The following GRIK2 variants were observed in gnomAD, a reference collection of about 807,000 sequenced individuals.
GRIK2 encodes the protein glutamate receptor ionotropic, kainate 2.
Under a neutral mutation model 100.3 loss-of-function variants are expected in GRIK2, and 32 were observed. That is an observed-to-expected ratio of 0.32 (90% CI 0.24 to 0.43). The LOEUF (loss-of-function observed/expected upper bound fraction) is 0.43, where lower values mean the gene tolerates loss of function less well. GRIK2 is among the 20% of genes least tolerant of loss of function. The pLI is 1.00. For synonymous variants in GRIK2, 417 were observed against 389.4 expected, an observed-to-expected ratio of 1.07 and a Z score of -0.83; for missense variants, 843 against 1,114.9, an observed-to-expected ratio of 0.76 and a Z score of 3.47.
intron 7 of GRIK2, among the ~76,000 whole-genome samples, chr6:101,753,099 G>A (rs1776891544): frequency 6.6e-6 from 1 of 151,928 alleles, no homozygotes; most frequent in African/African-American, 2.4e-5. Context: ...TCGAGACCAC[G>A]GTGAAACCCA....
chr6:101,657,822 A>T (rs1364064374), intron 4 of GRIK2, among the ~76,000 whole-genome samples: 1 of 152,102 alleles, frequency 6.6e-6, no homozygotes. Context: ...TTCTATTTCC[A>T]GGGAAATAAA....
At chr6:101,424,249 A>G (rs147876377) in intron 2 of GRIK2, among the ~76,000 whole-genome samples, 2,148 of 151,966 alleles carry the variant, frequency 0.014, 72 homozygotes, top group East Asian at 0.078. Context: ...TACATGTGCC[A>G]TGTTGGTGTG....
intron 14 of GRIK2, among the ~76,000 whole-genome samples, chr6:102,033,632 T>A (rs1387724969): frequency 6.6e-6 from 1 of 151,346 alleles, no homozygotes; most frequent in African/African-American, 2.4e-5. Context: ...CAGCAGATAA[T>A]CATATTTCTT....
At chr6:101,560,701 C>G (rs878917931) in intron 2 of GRIK2, among the ~76,000 whole-genome samples, 2 of 137,184 alleles carry the variant, frequency 1.5e-5, no homozygotes, top group Admixed American at 1.6e-4. Flanking sequence ...AACTTGATGC[C>G]CTTTGTATCA....
At chr6:101,457,311 C>T (rs1368675342) in intron 2 of GRIK2, among the ~76,000 whole-genome samples, 1 of 152,070 alleles carries the variant, frequency 6.6e-6, no homozygotes, top group Non-Finnish European at 1.5e-5. Flanking sequence ...TAAATTTGCA[C>T]CTCTCTTGAG....
At chr6:101,446,829 A>G (rs1033240869) in intron 2 of GRIK2, among the ~76,000 whole-genome samples, 5 of 151,036 alleles carry the variant, frequency 3.3e-5, no homozygotes, top group Non-Finnish European at 5.9e-5. Flanking sequence ...GAGAGAATTT[A>G]TGGAAATACT....
intron 7 of GRIK2, among the ~76,000 whole-genome samples, chr6:101,706,866 G>A (rs1773340236): frequency 6.6e-6 from 1 of 151,928 alleles, no homozygotes; most frequent in South Asian, 2.1e-4. Flanking sequence ...AGGTGCAGAT[G>A]CTAGAGGCTG....
intron 10 of GRIK2, among the ~76,000 whole-genome samples, chr6:101,858,198 T>G (rs187937378): frequency 6.6e-6 from 1 of 152,232 alleles, no homozygotes; most frequent in East Asian, 1.9e-4. Context: ...TCTGATAATA[T>G]GTGTTGTATT....
At chr6:101,998,017 A>G (rs1306141012) in intron 14 of GRIK2, among the ~76,000 whole-genome samples, 1 of 152,136 alleles carries the variant, frequency 6.6e-6, no homozygotes, top group Non-Finnish European at 1.5e-5. Context: ...CGTATACATC[A>G]GCGAGAAAAT....
At chr6:101,854,133 T>C (rs1784289641) in intron 10 of GRIK2, among the ~76,000 whole-genome samples, 1 of 152,190 alleles carries the variant, frequency 6.6e-6, no homozygotes, top group South Asian at 2.1e-4. Context: ...GAACATGTAC[T>C]GATTTGGTGC....
intron 7 of GRIK2, among the ~76,000 whole-genome samples, chr6:101,796,416 A>G (rs1045806340): frequency 1.3e-5 from 2 of 152,204 alleles, no homozygotes; most frequent in Non-Finnish European, 2.9e-5. Flanking sequence ...TTTCTGAAGC[A>G]CTAGAATTTT....
intron 10 of GRIK2, among the ~76,000 whole-genome samples, chr6:101,830,963 A>G (rs1415473537): frequency 6.6e-6 from 1 of 152,026 alleles, no homozygotes; most frequent in African/African-American, 2.4e-5. Context: ...GAAATTCCAA[A>G]GAGGGAGGGA....
intron 14 of GRIK2, among the ~76,000 whole-genome samples, chr6:101,939,872 G>C (rs182794391): frequency 6.6e-6 from 1 of 152,050 alleles, no homozygotes. Flanking sequence ...AACCCAAGAT[G>C]GTTATGACTG....
At chr6:102,041,888 G>GTCTT (rs1398976205) in intron 15 of GRIK2, among the ~76,000 whole-genome samples, 5 of 151,606 alleles carry the variant, frequency 3.3e-5, no homozygotes, top group African/African-American at 7.2e-5. Context: ...GAACTGTCTT[G>GTCTT]TCTTTGTATG....
chr6:101,796,139 C>T (rs1432945230), intron 7 of GRIK2, among the ~76,000 whole-genome samples: 1 of 152,110 alleles, frequency 6.6e-6, no homozygotes, highest in Non-Finnish European at 1.5e-5. Context: ...TTAAATCCAG[C>T]TCTACGTCTA....
chr6:101,715,881 C>T (rs142978275), intron 7 of GRIK2, among the ~76,000 whole-genome samples: 1 of 151,768 alleles, frequency 6.6e-6, no homozygotes, highest in African/African-American at 2.4e-5. Flanking sequence ...TTTCTAAATA[C>T]AGGATAATGT....
At chr6:101,856,609 G>C (rs1400067392) in intron 10 of GRIK2, among the ~76,000 whole-genome samples, 1 of 152,040 alleles carries the variant, frequency 6.6e-6, no homozygotes, top group Admixed American at 6.6e-5. Flanking sequence ...TATAATAATG[G>C]ACCATGGAAT....
chr6:101,503,784 A>T (rs1053826788), intron 2 of GRIK2, among the ~76,000 whole-genome samples: 1 of 152,124 alleles, frequency 6.6e-6, no homozygotes, highest in Non-Finnish European at 1.5e-5. Context: ...AATAAGTTTG[A>T]CCTTGCTTAG....
At position 101,613,855 on chromosome 6, in the gene GRIK2, C is replaced by T. The variant is rs193156100; in HGVS notation, c.116-8094C>T. On this transcript the variant is annotated intron_variant, in intron 2 of 16. Coordinates refer to ENST00000369134, the MANE Select transcript of GRIK2 (RefSeq NM_021956.5). ...AAAGTGTTAGGCTAGATGAAAGAAA[C>T]GCAGTAGGAAGATGAAATGTTTTCA... Among the ~76,000 whole-genome samples the T allele has an allele frequency of 3.9e-3, 583 of 151,184 alleles. 13 individuals are homozygous for T. Among genetic ancestry groups the T allele is most frequent in the Non-Finnish European group, 9.3e-4 (63 of 67,724 alleles).
Sources: gnomAD v4.1 joint callset for allele counts (sites outside exome capture counted in the v4.1 genomes callset) on GRCh38, gnomAD v4.1.1 for gene constraint, MANE v1.5 for transcripts, NCBI Gene and HGNC (gene_info 2026-07-23, HGNC 2026-07-21) for gene names.